The following DAB1 variants were observed in gnomAD, a reference collection of about 807,000 sequenced individuals.
The protein encoded by DAB1 is disabled homolog 1.
DAB1 carries 15 observed loss-of-function variants against 64.6 expected under a neutral mutation model. The observed-to-expected ratio is 0.23, with a 90% CI of 0.16 to 0.36. DAB1 has a LOEUF of 0.36. Ranked by LOEUF, DAB1 falls within the 10% of genes least tolerant of loss-of-function variation. The pLI, the probability that DAB1 is intolerant of heterozygous loss-of-function variation, is 1.00. For synonymous variants in DAB1, 235 were observed against 251.9 expected, an observed-to-expected ratio of 0.93 and a Z score of 0.64; for missense variants, 596 against 706.7, an observed-to-expected ratio of 0.84 and a Z score of 1.78.
At chr1:57,490,989 C>G (rs1644155536) in intron 7 of DAB1, among the ~76,000 whole-genome samples, 1 of 152,162 alleles carries the variant, frequency 6.6e-6, no homozygotes, top group Admixed American at 6.5e-5. Flanking sequence ...AATGTCTTGC[C>G]ACATGCAGAG....
chr1:58,181,828 T>G (rs1409208112), intron 4 of DAB1, among the ~76,000 whole-genome samples: 3 of 151,970 alleles, frequency 2.0e-5, no homozygotes, highest in Non-Finnish European at 2.9e-5. Flanking sequence ...TTTAAATCAG[T>G]TATGAGAAAA....
intron 3 of DAB1, among the ~76,000 whole-genome samples, chr1:57,137,195 T>C (rs11206975): frequency 0.16 from 23,799 of 152,148 alleles, 5,468 homozygotes; most frequent in African/African-American, 0.5. Context: ...TATCCAAAGA[T>C]ATTTTGTGTT....
At chr1:58,497,366 T>C (rs994655317) in intron 3 of DAB1, among the ~76,000 whole-genome samples, 1 of 152,170 alleles carries the variant, frequency 6.6e-6, no homozygotes, top group South Asian at 2.1e-4. Context: ...AAATCTGATG[T>C]AGACAGAATA....
chr1:57,193,489 C>T lies in DAB1; in HGVS notation c.68-48060G>A, dbSNP rs368949527. On this transcript the variant is annotated intron_variant, in intron 2 of 14. Transcript: ENST00000371236. Reference sequence around the variant, plus strand: ...ACAAGCTCCACCTCCCGGGTTCACGCCATTCTCCTGCCTCAGCCTCCCGAG... The same window carrying T: ...ACAAGCTCCACCTCCCGGGTTCACGTCATTCTCCTGCCTCAGCCTCCCGAG... 8.4e-4 allele frequency among the ~76,000 whole-genome samples: 120 copies of T among 142,946 alleles called. 1 individual carries two copies. In the East Asian group the frequency reaches 0.019, roughly 22 times the overall value. The allele number at this position is 142,946 out of a possible 152,430, so 93.8% of individuals were successfully genotyped here.
chr1:58,542,170 T>G (rs1461509062), intron 1 of DAB1, among the ~76,000 whole-genome samples: 1 of 152,232 alleles, frequency 6.6e-6, no homozygotes, highest in Non-Finnish European at 1.5e-5. Context: ...GTTAACCCTT[T>G]TTGAAATACA....
At chr1:57,393,557 A>C (rs1013460072) in intron 1 of DAB1, among the ~76,000 whole-genome samples, 4 of 152,122 alleles carry the variant, frequency 2.6e-5, no homozygotes, top group African/African-American at 4.8e-5. Flanking sequence ...TTAGCTGGGC[A>C]TGGTGGCATG....
At chr1:57,501,602 T>TA (rs2101317074) in intron 7 of DAB1, among the ~76,000 whole-genome samples, 1 of 152,338 alleles carries the variant, frequency 6.6e-6, no homozygotes, top group South Asian at 2.1e-4. Flanking sequence ...AGGGATGCTA[T>TA]ATTCACGCAA....
chr1:58,493,177 C>G (rs1369095867), intron 3 of DAB1, among the ~76,000 whole-genome samples: 1 of 152,178 alleles, frequency 6.6e-6, no homozygotes, highest in African/African-American at 2.4e-5. Context: ...ACATGATTAT[C>G]TCAATAGATG....
At chr1:57,116,482 A>G (rs1040002316) in intron 4 of DAB1, among the ~76,000 whole-genome samples, 2 of 148,388 alleles carry the variant, frequency 1.3e-5, no homozygotes, top group Non-Finnish European at 3.0e-5. Flanking sequence ...AAAAAAAAAA[A>G]AGAAAGAAAG....
chr1:58,246,992 T>C (rs1660568954), intron 4 of DAB1, among the ~76,000 whole-genome samples: 1 of 151,920 alleles, frequency 6.6e-6, no homozygotes, highest in Non-Finnish European at 1.5e-5. Context: ...AAGTCTATAG[T>C]CAGGAATTTG....
intron 5 of DAB1, among the ~76,000 whole-genome samples, chr1:57,987,378 A>G (rs1412389876): frequency 6.6e-6 from 1 of 152,160 alleles, no homozygotes; most frequent in East Asian, 1.9e-4. Context: ...GATCTCACTC[A>G]ACCCACCACG....
At chr1:57,821,689 G>A (rs1241191177), downstream of DAB1, among the ~76,000 whole-genome samples, 1 of 152,164 alleles carries the variant, frequency 6.6e-6, no homozygotes, top group Non-Finnish European at 1.5e-5. Flanking sequence ...CAGGTTAGAT[G>A]CAAAGCACTC....
At chr1:57,053,662 A>C (rs201825123) in intron 9 of DAB1, among the ~76,000 whole-genome samples, 82 of 68,012 alleles carry the variant, frequency 1.2e-3, no homozygotes, top group Admixed American at 2.9e-3. Context: ...CTCTCTCTCT[A>C]TATGTATATA....
At chr1:57,788,715 C>G (rs908256901) in intron 6 of DAB1, among the ~76,000 whole-genome samples, 1 of 152,146 alleles carries the variant, frequency 6.6e-6, no homozygotes, top group Non-Finnish European at 1.5e-5. Context: ...ACTCACTTTT[C>G]CTTTTCTGAG....
chr1:58,001,389 G>T (rs1188398258), intron 5 of DAB1, among the ~76,000 whole-genome samples: 1 of 152,078 alleles, frequency 6.6e-6, no homozygotes, highest in Admixed American at 6.5e-5. Flanking sequence ...TCAACCTCCT[G>T]AGTTGCTGGG....
intron 6 of DAB1, among the ~76,000 whole-genome samples, chr1:57,818,103 A>T (rs1447434648): frequency 6.6e-6 from 1 of 152,194 alleles, no homozygotes; most frequent in East Asian, 1.9e-4. Context: ...TCTGCTTTCT[A>T]TTGATCACAA....
intron 1 of DAB1, among the ~76,000 whole-genome samples, chr1:57,362,989 A>G (rs181492271): frequency 1.3e-5 from 2 of 152,306 alleles, no homozygotes; most frequent in Admixed American, 1.3e-4. Context: ...ATATAGTAAA[A>G]CTCAAAAGAT....
At chr1:57,003,846 T>C (rs756610088) in intron 14 of DAB1, among the ~76,000 whole-genome samples, 2 of 152,190 alleles carry the variant, frequency 1.3e-5, no homozygotes, top group Non-Finnish European at 2.9e-5. Context: ...TTGACAAATA[T>C]ATACACCCAT....
chr1:58,140,601 A>G (rs901649334), intron 5 of DAB1, among the ~76,000 whole-genome samples: 4 of 152,028 alleles, frequency 2.6e-5, no homozygotes, highest in Non-Finnish European at 5.9e-5. Context: ...CTCTAATTAT[A>G]TACTCATTTT....
Sources: gnomAD v4.1 joint callset for allele counts (sites outside exome capture counted in the v4.1 genomes callset) on GRCh38, gnomAD v4.1.1 for gene constraint, MANE v1.5 for transcripts, NCBI Gene and HGNC (gene_info 2026-07-23, HGNC 2026-07-21) for gene names.